Variants in DEPTOR observed in about 807,000 individuals in gnomAD.
The protein encoded by DEPTOR is DEP domain-containing mTOR-interacting protein.
A neutral mutation model predicts 41.6 loss-of-function variants in DEPTOR; 41 were observed. The ratio of observed to expected loss-of-function variants is 0.98; its 90% CI spans 0.77 to 1.28. The LOEUF is 1.28. Among genes scored for constraint, DEPTOR ranks in the 50% most tolerant of loss-of-function variants. DEPTOR has a pLI of 0.00. For synonymous variants in DEPTOR, 195 were observed against 192.3 expected, an observed-to-expected ratio of 1.01 and a Z score of -0.12; for missense variants, 514 against 527.9, an observed-to-expected ratio of 0.97 and a Z score of 0.26.
intron 1 of DEPTOR, among the ~76,000 whole-genome samples, chr8:119,880,136 C>T (rs1045783298): frequency 1.5e-5 from 2 of 134,226 alleles, no homozygotes; most frequent in South Asian, 2.3e-4. Context: ...AGCGGGACTC[C>T]GTCTCAAAAT....
chr8:119,955,117 C>T lies in DEPTOR; in HGVS notation c.426-10115C>T, dbSNP rs536654928. ...AGGTGATCTAACCACCTCGGCCTCC[C>T]AAAGTGCTGGGATTACAGGCATGAG... On this transcript the variant is annotated intron_variant, in intron 3 of 8. Coordinates refer to ENST00000286234, the MANE Select transcript of DEPTOR (RefSeq NM_022783.4). 4.6e-3 allele frequency among the ~76,000 whole-genome samples: 701 copies of T among 152,234 alleles called. 3 individuals are homozygous for T. The highest frequency in any genetic ancestry group is 6.9e-3 in the Non-Finnish European group (470 of 68,012).
intron 3 of DEPTOR, among the ~76,000 whole-genome samples, chr8:119,955,008 G>A (rs767979304): frequency 2.6e-5 from 4 of 152,028 alleles, no homozygotes; most frequent in African/African-American, 7.2e-5. Context: ...ACAGGTGCCC[G>A]CCACCACACT....
At chr8:119,956,731 T>G (rs1277445103) in intron 3 of DEPTOR, among the ~76,000 whole-genome samples, 34 of 108,088 alleles carry the variant, frequency 3.1e-4, no homozygotes, top group African/African-American at 1.1e-3. Context: ...TTTTTTGTTT[T>G]TTTTTTTTGT....
intron 1 of DEPTOR, among the ~76,000 whole-genome samples, chr8:119,909,171 C>T (rs1027061279): frequency 2.6e-5 from 4 of 152,158 alleles, no homozygotes; most frequent in African/African-American, 7.2e-5. Context: ...TTCAAAGGCT[C>T]TCTAGAATCT....
At chr8:119,880,684 A>G (rs940372229) in intron 1 of DEPTOR, among the ~76,000 whole-genome samples, 6 of 152,216 alleles carry the variant, frequency 3.9e-5, no homozygotes, top group Admixed American at 2.6e-4. Context: ...TAGGATTGTC[A>G]CTTTCTCTAC....
chr8:119,876,158 C>G (rs943711030), intron 1 of DEPTOR, among the ~76,000 whole-genome samples: 8 of 152,122 alleles, frequency 5.3e-5, no homozygotes, highest in African/African-American at 1.9e-4. Flanking sequence ...CCTTGCAGTC[C>G]CCAGAGCACT....
intron 3 of DEPTOR, among the ~76,000 whole-genome samples, chr8:119,961,037 G>A (rs750421418): frequency 6.6e-6 from 1 of 151,942 alleles, no homozygotes; most frequent in African/African-American, 2.4e-5. Flanking sequence ...AAGTTATTAA[G>A]TGACTCACTG....
chr8:119,892,856 C>G (rs1827469046), intron 1 of DEPTOR, among the ~76,000 whole-genome samples: 1 of 151,424 alleles, frequency 6.6e-6, no homozygotes, highest in African/African-American at 2.4e-5. Flanking sequence ...GATCTTGGCT[C>G]ACTGCAACCT....
At chr8:119,952,730 C>T (rs993221179) in intron 3 of DEPTOR, among the ~76,000 whole-genome samples, 1 of 152,138 alleles carries the variant, frequency 6.6e-6, no homozygotes, top group African/African-American at 2.4e-5. Flanking sequence ...CAGCTTCATC[C>T]ATGTCCCTGC....
At chr8:119,882,226 A>C (rs1294086639) in intron 1 of DEPTOR, among the ~76,000 whole-genome samples, 1 of 152,066 alleles carries the variant, frequency 6.6e-6, no homozygotes, top group Non-Finnish European at 1.5e-5. Flanking sequence ...TTGCTGATAT[A>C]AGTTATGGCT....
intron 8 of DEPTOR, among the ~76,000 whole-genome samples, chr8:120,020,234 T>C (rs1586660806): frequency 6.6e-6 from 1 of 151,830 alleles, no homozygotes; most frequent in Non-Finnish European, 1.5e-5. Context: ...GGACTACAAG[T>C]GCATGCCCAG....
intron 4 of DEPTOR, among the ~76,000 whole-genome samples, chr8:119,968,299 CATT>C (rs1828588618): frequency 6.6e-6 from 1 of 151,708 alleles, no homozygotes; most frequent in African/African-American, 2.4e-5. Flanking sequence ...GTGATAAGAA[CATT>C]AATATGAGAG....
intron 1 of DEPTOR, among the ~76,000 whole-genome samples, chr8:119,917,819 G>A (rs1016331758): frequency 6.6e-6 from 1 of 152,210 alleles, no homozygotes; most frequent in Non-Finnish European, 1.5e-5. Context: ...GCAATGGAAT[G>A]TCTCGATATA....
At chr8:120,044,317 G>T (rs928698503) in intron 8 of DEPTOR, among the ~76,000 whole-genome samples, 10 of 152,020 alleles carry the variant, frequency 6.6e-5, no homozygotes, top group Non-Finnish European at 5.9e-5. Flanking sequence ...TAGAGACAGG[G>T]TTTCACCATG....
chr8:119,887,773 AG>A lies in DEPTOR; in HGVS notation c.122+13807del, dbSNP rs948010697. Among the ~76,000 whole-genome samples, 133 of 151,364 alleles carry A rather than the reference AG, an allele frequency of 8.8e-4. 1 individual carries two copies. The highest frequency in any genetic ancestry group is 5.2e-3 in the South Asian group (25 of 4,778). On this transcript the variant is annotated intron_variant, in intron 1 of 8. Coordinates refer to ENST00000286234, the MANE Select transcript of DEPTOR (RefSeq NM_022783.4). Reference sequence around the variant, plus strand: ...GCCCACCTCAGCCTCCCCAAGTGCTAGGATTACAGGTGTGAGCCACTGCAGC... The same window carrying A: ...GCCCACCTCAGCCTCCCCAAGTGCTAGATTACAGGTGTGAGCCACTGCAGC...
At chr8:119,964,288 G>A (rs1447060887) in intron 3 of DEPTOR, among the ~76,000 whole-genome samples, 1 of 152,062 alleles carries the variant, frequency 6.6e-6, no homozygotes, top group Non-Finnish European at 1.5e-5. Flanking sequence ...AGGCCAAGAT[G>A]GGCGGATCAC....
intron 1 of DEPTOR, among the ~76,000 whole-genome samples, chr8:119,917,606 T>G (rs1369224386): frequency 6.6e-6 from 1 of 152,232 alleles, no homozygotes; most frequent in African/African-American, 2.4e-5. Flanking sequence ...TGCAGGGACC[T>G]CTGCCTAGGA....
Position 119,963,121 on chromosome 8 carries a change from G to A in DEPTOR, c.426-2111G>A, listed in dbSNP as rs114549966. ...GGAATCTGGAATGTGGATAGTAATCGAAGACAGGAAATGGAGGAGCTCACT... is the reference window on the plus strand; with the variant it reads ...GGAATCTGGAATGTGGATAGTAATCAAAGACAGGAAATGGAGGAGCTCACT... On this transcript the variant is annotated intron_variant, in intron 3 of 8. Transcript: ENST00000286234. Among the ~76,000 whole-genome samples, 271 of 152,236 alleles carry A rather than the reference G, an allele frequency of 1.8e-3. 1 individual carries two copies. Among genetic ancestry groups the A allele is most frequent in the African/African-American group, 6.3e-3 (260 of 41,536 alleles).
At chr8:120,018,812 G>A (rs1812651597) in intron 8 of DEPTOR, among the ~76,000 whole-genome samples, 2 of 152,252 alleles carry the variant, frequency 1.3e-5, no homozygotes, top group African/African-American at 4.8e-5. Flanking sequence ...CAGGGTCTCA[G>A]CACAGAGCCC....
Sources: gnomAD v4.1 joint callset for allele counts (sites outside exome capture counted in the v4.1 genomes callset) on GRCh38, gnomAD v4.1.1 for gene constraint, MANE v1.5 for transcripts, NCBI Gene and HGNC (gene_info 2026-07-23, HGNC 2026-07-21) for gene names.